PCDHA1: variants seen among roughly 807,000 people sequenced by gnomAD.
PCDHA1 encodes protocadherin alpha-1.
Under a neutral mutation model 61.3 loss-of-function variants are expected in PCDHA1, and 42 were observed. The ratio of observed to expected loss-of-function variants is 0.69; its 90% confidence interval spans 0.54 to 0.89. The LOEUF (loss-of-function observed/expected upper bound fraction) is 0.89, where lower values mean the gene tolerates loss of function less well. Ranked by LOEUF, PCDHA1 falls within the 40% of genes least tolerant of loss-of-function variation. PCDHA1 has a pLI of 0.00. For missense variants in PCDHA1, 1,256 were observed against 1,235.3 expected (o/e 1.02, Z -0.25); for synonymous variants, 610 against 553.8 (o/e 1.10, Z -1.43).
chr5:140,805,112 C>A (rs782558410), intron 1 of PCDHA1: 4 of 1,589,274 alleles, frequency 2.5e-6, no homozygotes, highest in Admixed American at 3.4e-5. Context: ...TATTGTCTAA[C>A]AAGACTCTTG....
chr5:140,811,542 A>G (rs1410589900), intron 1 of PCDHA1: 2 of 152,144 alleles, frequency 1.3e-5, no homozygotes, highest in East Asian at 3.8e-4. Context: ...GTCAAATGGT[A>G]TTTCTAGTTC....
chr5:140,799,156 T>C (rs1762398182), intron 1 of PCDHA1, among the ~76,000 whole-genome samples: 1 of 152,128 alleles, frequency 6.6e-6, no homozygotes, highest in African/African-American at 2.4e-5. Context: ...ATCTAGGTGG[T>C]AGTAGAAATT....
chr5:141,008,718 T>C (rs2098388409), intron 3 of PCDHA1, among the ~76,000 whole-genome samples: 1 of 152,230 alleles, frequency 6.6e-6, no homozygotes, highest in Non-Finnish European at 1.5e-5. Context: ...TGCTTGAGTG[T>C]ATGTCCAACT....
At chr5:140,833,425 G>A (rs2150208347) in intron 1 of PCDHA1, among the ~76,000 whole-genome samples, 8,936 of 152,186 alleles carry the variant, frequency 0.059, 863 homozygotes, top group African/African-American at 0.2. Flanking sequence ...TATGTGAGAT[G>A]GCTGAGCACT....
rs1554217734 is a variant in PCDHA1, at chr5:140,946,611, A to AATATATATATATATAT, written c.2395-32332_2395-32317dup. Among the ~76,000 whole-genome samples, 269 of 86,770 alleles carry AATATATATATATATAT rather than the reference A, an allele frequency of 3.1e-3. 3 individuals carry two copies. The highest frequency in any genetic ancestry group is 0.011 in the Middle Eastern group (2 of 186). 56.9% of individuals were successfully genotyped at this position (86,770 alleles called of 152,430 possible). A position where few individuals can be genotyped will look rare whatever the true frequency, so the allele number is the denominator to read the frequency against. On this transcript the variant is annotated intron_variant, in intron 1 of 3. Coordinates refer to ENST00000504120, the MANE Select transcript of PCDHA1 (RefSeq NM_018900.4). ...GGATGAATAGATAAAGAAAATGTGAAATATATATATATATATATATACAAT... is the reference window on the plus strand; with the variant it reads ...GGATGAATAGATAAAGAAAATGTGAAATATATATATATATATATATATATATATATATATATACAAT...
At chr5:141,000,589 A>G (rs1234300694) in intron 3 of PCDHA1, among the ~76,000 whole-genome samples, 3 of 150,422 alleles carry the variant, frequency 2.0e-5, no homozygotes, top group Admixed American at 2.0e-4. Context: ...CACCATGCCC[A>G]GCTAATTTTT....
chr5:140,966,946 C>G (rs377699694), intron 1 of PCDHA1: 3 of 1,603,368 alleles, frequency 1.9e-6, no homozygotes, highest in African/African-American at 2.7e-5. Context: ...TCGTGGGCAA[C>G]GTGGCTCGCG....
At chr5:140,865,421 T>C (rs2048870756) in intron 1 of PCDHA1, 1 of 152,208 alleles carries the variant, frequency 6.6e-6, no homozygotes, top group Non-Finnish European at 1.5e-5. Context: ...TAGTAGTGTC[T>C]ACCTAGAAAA....
intron 1 of PCDHA1, among the ~76,000 whole-genome samples, chr5:140,978,477 G>A (rs1362771671): frequency 6.6e-6 from 1 of 152,342 alleles, no homozygotes; most frequent in African/African-American, 2.4e-5. Context: ...ATATGCTGCA[G>A]TCTGCAAAGC....
intron 1 of PCDHA1, chr5:140,929,032 T>C (rs781951889): frequency 1.9e-6 from 3 of 1,614,236 alleles, no homozygotes; most frequent in East Asian, 2.2e-5. Flanking sequence ...CCCAGGCTGT[T>C]GCGCTCAGAG....
chr5:140,991,707 A>G (rs1436655429), intron 3 of PCDHA1, among the ~76,000 whole-genome samples: 1 of 152,158 alleles, frequency 6.6e-6, no homozygotes, highest in Non-Finnish European at 1.5e-5. Flanking sequence ...TAATATGCAT[A>G]TTGCTACTAG....
chr5:140,838,939 AAAAT>A lies in PCDHA1; in HGVS notation c.2394+50259_2394+50262del, dbSNP rs140008993. 4.7e-3 allele frequency among the ~76,000 whole-genome samples: 708 copies of A among 152,118 alleles called. 10 individuals are homozygous for A. The highest frequency in any genetic ancestry group is 5.1e-3 in the Non-Finnish European group (345 of 67,986). ...CAAAAATAAAATAAAATGAAATAATAAAATAAAATAAAATAAAAACCCAGAACTG... is the reference window on the plus strand; with the variant it reads ...CAAAAATAAAATAAAATGAAATAATAAAAATAAAATAAAAACCCAGAACTG... On this transcript the variant is annotated intron_variant, in intron 1 of 3. Coordinates refer to ENST00000504120, the MANE Select transcript of PCDHA1 (RefSeq NM_018900.4).
chr5:140,809,494 C>T lies in PCDHA1; in HGVS notation c.2394+20810C>T, dbSNP rs781910272. 5 of 1,614,118 alleles carry T rather than the reference C, an allele frequency of 3.1e-6. No homozygotes were observed. The South Asian group carries it at 4.4e-5, about 14-fold the overall frequency. ...GTGAGGGCCCACCCAAGACCGACCT[C>T]ATGGCCTTCAGCCCCAGTTTACCTG... On this transcript the variant is annotated intron_variant, in intron 1 of 3. Coordinates refer to ENST00000504120, the MANE Select transcript of PCDHA1 (RefSeq NM_018900.4).
Position 140,787,074 on chromosome 5 carries a change from AC to A in PCDHA1, c.786del (p.Thr263HisfsTer2). On this transcript the variant is annotated frameshift_variant, in exon 1 of 4. Transcript: ENST00000504120. LOFTEE classifies it high-confidence loss of function. ...GACTACAGCAAATGGAACATTAGTG[AC>A]CACATTAAATGCCTCTGATGCTGAC... ...LETTANGTLV[T>X]TLNASDADEG... 6.2e-7 allele frequency: 1 copy of A among 1,614,200 alleles called. No individual in the cohort carries two copies. Among genetic ancestry groups the A allele is most frequent in the African/African-American group, 1.3e-5 (1 of 75,066 alleles).
At chr5:140,914,197 T>G (rs2076637069) in intron 1 of PCDHA1, among the ~76,000 whole-genome samples, 1 of 152,234 alleles carries the variant, frequency 6.6e-6, no homozygotes, top group South Asian at 2.1e-4. Flanking sequence ...ATTATTGTAT[T>G]GTGATCTCTA....
chr5:140,801,993 G>A (rs1554121819), intron 1 of PCDHA1: 2 of 1,614,042 alleles, frequency 1.2e-6, no homozygotes, highest in Non-Finnish European at 1.7e-6. Flanking sequence ...GACCGTTAAC[G>A]CCACCGATTT....
At chr5:140,980,160 T>C (rs1408251279) in intron 2 of PCDHA1, among the ~76,000 whole-genome samples, 1 of 152,140 alleles carries the variant, frequency 6.6e-6, no homozygotes, top group East Asian at 1.9e-4. Context: ...TACCAGAATA[T>C]TAGGTATCAG....
intron 3 of PCDHA1, among the ~76,000 whole-genome samples, chr5:140,996,245 G>A (rs2097718426): frequency 6.6e-6 from 1 of 152,220 alleles, no homozygotes; most frequent in South Asian, 2.1e-4. Context: ...AGGCTGAGAA[G>A]TGACAGCAAC....
intron 1 of PCDHA1, among the ~76,000 whole-genome samples, chr5:140,915,190 G>T (rs1317793585): frequency 1.3e-5 from 2 of 151,978 alleles, no homozygotes; most frequent in African/African-American, 4.8e-5. Flanking sequence ...CTAGTGATCC[G>T]CCCATCTTGG....
Sources: allele counts gnomAD v4.1 joint callset (sites outside exome capture counted in the v4.1 genomes callset), GRCh38; gene constraint gnomAD v4.1.1; transcripts MANE v1.5; gene names NCBI Gene and HGNC (gene_info 2026-07-23, HGNC 2026-07-21).